ATXN1: variants seen among roughly 807,000 people sequenced by gnomAD.
ATXN1 encodes the protein ataxin 1.
ATXN1 carries 8 observed loss-of-function variants against 56.4 expected under a neutral mutation model. The ratio of observed to expected loss-of-function variants is 0.14; its 90% CI spans 0.08 to 0.26. The LOEUF is 0.26. Ranked by LOEUF, ATXN1 falls within the 10% of genes least tolerant of loss-of-function variation. The pLI, the probability that ATXN1 is intolerant of heterozygous loss-of-function variation, is 1.00. For synonymous variants in ATXN1, 514 were observed against 494.6 expected, an observed-to-expected ratio of 1.04 and a Z score of -0.52; for missense variants, 987 against 1,106.5, an observed-to-expected ratio of 0.89 and a Z score of 1.53.
At chr6:16,693,510 A>G (rs2113422163) in intron 2 of ATXN1, among the ~76,000 whole-genome samples, 2 of 152,326 alleles carry the variant, frequency 1.3e-5, no homozygotes, top group South Asian at 4.1e-4. Context: ...TCTCTATTCC[A>G]TTCTCTCCTG....
At chr6:16,747,216 C>T (rs568638040) in intron 2 of ATXN1, among the ~76,000 whole-genome samples, 6 of 152,246 alleles carry the variant, frequency 3.9e-5, no homozygotes, top group Non-Finnish European at 7.4e-5. Context: ...GCACGCTGCT[C>T]GGTGTTTAAT....
At chr6:16,720,266 C>T (rs1759719690) in intron 2 of ATXN1, among the ~76,000 whole-genome samples, 1 of 152,168 alleles carries the variant, frequency 6.6e-6, no homozygotes, top group Non-Finnish European at 1.5e-5. Flanking sequence ...ATCCCCTTCG[C>T]CCCTGCCATC....
chr6:16,413,647 G>A (rs988645377), intron 6 of ATXN1, among the ~76,000 whole-genome samples: 9 of 152,188 alleles, frequency 5.9e-5, no homozygotes, highest in Non-Finnish European at 8.8e-5. Flanking sequence ...GGACTGAATC[G>A]GCAATGTGGG....
chr6:16,436,515 C>A (rs936293971), intron 6 of ATXN1, among the ~76,000 whole-genome samples: 3 of 152,012 alleles, frequency 2.0e-5, no homozygotes, highest in Admixed American at 2.0e-4. Context: ...TCAAAAAAGA[C>A]CTCACAGAGA....
At chr6:16,468,951 C>G (rs1407009047) in intron 6 of ATXN1, among the ~76,000 whole-genome samples, 1 of 151,876 alleles carries the variant, frequency 6.6e-6, no homozygotes, top group East Asian at 1.9e-4. Context: ...GGTTGATCCA[C>G]TCATCTGGAC....
chr6:16,519,315 GA>G (rs1485475044), intron 5 of ATXN1, among the ~76,000 whole-genome samples: 7 of 152,062 alleles, frequency 4.6e-5, no homozygotes, highest in Admixed American at 1.3e-4. Context: ...GTTCAGAGGG[GA>G]AAAAAAGTAT....
intron 6 of ATXN1, among the ~76,000 whole-genome samples, chr6:16,419,064 T>C (rs1027936794): frequency 1.3e-5 from 2 of 152,084 alleles, no homozygotes; most frequent in African/African-American, 4.8e-5. Flanking sequence ...TCCTTTTCTG[T>C]TGAATAAGGG....
chr6:16,352,688 C>A (rs569292665), intron 6 of ATXN1, among the ~76,000 whole-genome samples: 6 of 152,200 alleles, frequency 3.9e-5, no homozygotes, highest in African/African-American at 1.4e-4. Context: ...TAGTCCCCGC[C>A]TTATCCATGA....
At chr6:16,703,355 T>C (rs1759330655) in intron 2 of ATXN1, among the ~76,000 whole-genome samples, 2 of 152,178 alleles carry the variant, frequency 1.3e-5, no homozygotes, top group African/African-American at 2.4e-5. Context: ...GGGGGAGGGA[T>C]AGCATTAGGA....
chr6:16,566,266 A>G lies in ATXN1; in HGVS notation c.-361+19514T>C, dbSNP rs73368759. ...GTTTTTGCATCCAGATATAAGAAAT[A>G]CAATGCCCTATTCTGTTTTTGCTTG... On this transcript the variant is annotated intron_variant, in intron 4 of 7. Transcript: ENST00000436367. Among the ~76,000 whole-genome samples the G allele has an allele frequency of 6.5e-3, 987 of 152,292 alleles. 11 individuals are homozygous for G. The highest frequency in any genetic ancestry group is 0.022 in the African/African-American group (933 of 41,550).
At chr6:16,474,389 C>T (rs1023164318) in intron 6 of ATXN1, among the ~76,000 whole-genome samples, 8 of 152,178 alleles carry the variant, frequency 5.3e-5, no homozygotes, top group African/African-American at 1.9e-4. Context: ...GATGAGAGGC[C>T]ACCTGAAGCA....
intron 6 of ATXN1, among the ~76,000 whole-genome samples, chr6:16,385,986 C>A (rs1038012946): frequency 6.6e-6 from 1 of 152,178 alleles, no homozygotes; most frequent in African/African-American, 2.4e-5. Context: ...GGGTCTCTGT[C>A]CTCTCCTTCA....
At chr6:16,603,379 C>A (rs993464205) in intron 3 of ATXN1, among the ~76,000 whole-genome samples, 1 of 152,198 alleles carries the variant, frequency 6.6e-6, no homozygotes, top group Non-Finnish European at 1.5e-5. Flanking sequence ...CCTCACTGGG[C>A]CACCTTCCCT....
intron 4 of ATXN1, among the ~76,000 whole-genome samples, chr6:16,537,914 C>A (rs1489261902): frequency 6.6e-6 from 1 of 151,970 alleles, no homozygotes; most frequent in African/African-American, 2.4e-5. Context: ...ACCAGCCTGG[C>A]CATCATGGTG....
chr6:16,415,678 G>A (rs781466747), intron 6 of ATXN1, among the ~76,000 whole-genome samples: 10 of 152,228 alleles, frequency 6.6e-5, no homozygotes, highest in Non-Finnish European at 1.5e-4. Flanking sequence ...TCCAGCCTTG[G>A]GAAAGAGCTG....
At chr6:16,634,846 A>T (rs1763565447) in intron 3 of ATXN1, among the ~76,000 whole-genome samples, 1 of 152,146 alleles carries the variant, frequency 6.6e-6, no homozygotes, top group Non-Finnish European at 1.5e-5. Context: ...TCAGCTCAGT[A>T]CTTGGAGACA....
intron 6 of ATXN1, among the ~76,000 whole-genome samples, chr6:16,393,128 A>G (rs1758388594): frequency 6.6e-6 from 1 of 152,242 alleles, no homozygotes; most frequent in Non-Finnish European, 1.5e-5. Context: ...TGCTTAATAA[A>G]TATGATTTTC....
At position 16,610,800 on chromosome 6, in the gene ATXN1, G is replaced by A. The variant is rs546176709; in HGVS notation, c.-488-24893C>T. 1.1e-3 allele frequency among the ~76,000 whole-genome samples: 163 copies of A among 151,594 alleles called. 1 individual carries two copies. Among genetic ancestry groups the A allele is most frequent in the Non-Finnish European group, 3.5e-4 (24 of 67,920 alleles). ...GAACTTTGGGAGGCCGAGGTGGGAG[G>A]ATTGCTTGAGGCCAAGAGTTTAAAA... On this transcript the variant is annotated intron_variant, in intron 3 of 7. Transcript: ENST00000436367.
At chr6:16,690,076 T>C (rs907391272) in intron 2 of ATXN1, among the ~76,000 whole-genome samples, 1 of 152,142 alleles carries the variant, frequency 6.6e-6, no homozygotes, top group Non-Finnish European at 1.5e-5. Context: ...GGGTTTTTTT[T>C]AATTTTAATT....
Sources: gnomAD v4.1 joint callset for allele counts (sites outside exome capture counted in the v4.1 genomes callset) on GRCh38, gnomAD v4.1.1 for gene constraint, MANE v1.5 for transcripts, NCBI Gene and HGNC (gene_info 2026-07-23, HGNC 2026-07-21) for gene names.